RAPGEF4: variants seen among roughly 807,000 people sequenced by gnomAD.
The protein encoded by RAPGEF4 is Rap guanine nucleotide exchange factor 4.
RAPGEF4 carries 66 observed loss-of-function variants against 147.9 expected under a neutral mutation model. That is an observed-to-expected ratio of 0.45 (90% CI 0.37 to 0.55). RAPGEF4 has a LOEUF of 0.55. Among genes scored for constraint, RAPGEF4 ranks in the 20% least tolerant of loss-of-function variants. The probability of loss-of-function intolerance (pLI) is 0.00; values close to 1 mark genes in which losing one functional copy is unlikely to be tolerated. For synonymous variants in RAPGEF4, 419 were observed against 442.7 expected, an observed-to-expected ratio of 0.95 and a Z score of 0.67; for missense variants, 1,071 against 1,257.3, an observed-to-expected ratio of 0.85 and a Z score of 2.24.
chr2:172,753,812 T>C (rs1695516378), intron 1 of RAPGEF4, among the ~76,000 whole-genome samples: 1 of 151,882 alleles, frequency 6.6e-6, no homozygotes, highest in East Asian at 1.9e-4. Flanking sequence ...TACCAACACA[T>C]CCCTTCCTCT....
At chr2:172,995,245 TTGTGTGTGTGTGTGTGTGTGTGTGTGTG>T (rs71018528) in intron 15 of RAPGEF4, among the ~76,000 whole-genome samples, 1 of 138,590 alleles carries the variant, frequency 7.2e-6, no homozygotes, top group African/African-American at 2.8e-5. Context: ...ACTTGCCTGT[TTGTGTGTGTGTGTGTGTGTGTGTGTGTG>T]TGTGTGTGTG....
At chr2:173,017,872 G>A (rs1032597869) in intron 21 of RAPGEF4, among the ~76,000 whole-genome samples, 1 of 152,138 alleles carries the variant, frequency 6.6e-6, no homozygotes, top group Non-Finnish European at 1.5e-5. Context: ...TCCTGCCCAG[G>A]GACAATGCTC....
chr2:172,997,032 C>A (rs1488749316), intron 16 of RAPGEF4, among the ~76,000 whole-genome samples: 1 of 152,200 alleles, frequency 6.6e-6, no homozygotes, highest in African/African-American at 2.4e-5. Flanking sequence ...TAATGAACTA[C>A]CACCAACTGG....
At chr2:173,039,776 A>G (rs1355398162) in intron 29 of RAPGEF4, among the ~76,000 whole-genome samples, 1 of 152,226 alleles carries the variant, frequency 6.6e-6, no homozygotes, top group African/African-American at 2.4e-5. Context: ...AAGGGGTTTT[A>G]TTCATATGAA....
At chr2:172,804,568 G>A (rs1386426942) in intron 3 of RAPGEF4, among the ~76,000 whole-genome samples, 1 of 152,182 alleles carries the variant, frequency 6.6e-6, no homozygotes, top group South Asian at 2.1e-4. Context: ...GGAACGGGGA[G>A]TACCTGGCCT....
intron 4 of RAPGEF4, among the ~76,000 whole-genome samples, chr2:172,838,950 G>A (rs1245321932): frequency 1.3e-5 from 2 of 151,942 alleles, no homozygotes; most frequent in African/African-American, 4.8e-5. Flanking sequence ...TCTAAGTTTG[G>A]GCAATAAGCA....
intron 1 of RAPGEF4, among the ~76,000 whole-genome samples, chr2:172,761,120 T>G (rs1696283272): frequency 6.6e-6 from 1 of 150,876 alleles, no homozygotes; most frequent in Non-Finnish European, 1.5e-5. Context: ...TTTTTTTAAT[T>G]TTTTTTTCTT....
At chr2:173,024,615 G>A (rs1445685675) in intron 23 of RAPGEF4, among the ~76,000 whole-genome samples, 13 of 152,142 alleles carry the variant, frequency 8.5e-5, no homozygotes, top group Admixed American at 8.5e-4. Flanking sequence ...CTCCTATCCA[G>A]TTCTCTTAAC....
At chr2:172,795,404 G>A (rs1686264881) in intron 2 of RAPGEF4, among the ~76,000 whole-genome samples, 1 of 152,184 alleles carries the variant, frequency 6.6e-6, no homozygotes, top group Non-Finnish European at 1.5e-5. Context: ...TTTCTAGATG[G>A]AGCTGGAGGG....
At chr2:172,766,520 G>C (rs1174749804) in intron 1 of RAPGEF4, among the ~76,000 whole-genome samples, 1 of 152,000 alleles carries the variant, frequency 6.6e-6, no homozygotes, top group Non-Finnish European at 1.5e-5. Flanking sequence ...CAGCCTGGGT[G>C]ATGGAGTGAG....
intron 1 of RAPGEF4, among the ~76,000 whole-genome samples, chr2:172,787,334 T>TTAAAA (rs1231663214): frequency 1.3e-5 from 2 of 151,734 alleles, no homozygotes; most frequent in East Asian, 3.9e-4. Flanking sequence ...TATATAGAAC[T>TTAAAA]TAAAATAATT....
intron 4 of RAPGEF4, among the ~76,000 whole-genome samples, chr2:172,899,723 C>T (rs1698870039): frequency 6.6e-6 from 1 of 152,092 alleles, no homozygotes; most frequent in Non-Finnish European, 1.5e-5. Context: ...AACAAAAAAT[C>T]GGACAGCTGA....
intron 6 of RAPGEF4, among the ~76,000 whole-genome samples, chr2:172,935,290 A>G (rs955838323): frequency 3.3e-5 from 5 of 152,190 alleles, no homozygotes; most frequent in Non-Finnish European, 5.9e-5. Context: ...AAACATGGCA[A>G]CCAACAACTC....
Position 173,048,451 on chromosome 2 carries a change from C to T in RAPGEF4, c.2854-149C>T, listed in dbSNP as rs992639365. The T allele has an allele frequency of 4.2e-6, 6 of 1,435,082 alleles. No homozygotes were observed. The African/African-American group carries it at 5.8e-5, about 14-fold the overall frequency. The allele number at this position is 1,435,082 out of a possible 1,614,324, so 88.9% of individuals were successfully genotyped here. On this transcript the variant is annotated intron_variant, in intron 29 of 30. Coordinates refer to ENST00000397081, the MANE Select transcript of RAPGEF4 (RefSeq NM_007023.4). ...CTTTGAAATAATTAAACAAGTTATACATCAGCTAGTTGCCTTCAGATAGTC... is the reference window on the plus strand; with the variant it reads ...CTTTGAAATAATTAAACAAGTTATATATCAGCTAGTTGCCTTCAGATAGTC...
intron 17 of RAPGEF4, among the ~76,000 whole-genome samples, chr2:173,009,887 C>T (rs1047347829): frequency 6.6e-6 from 1 of 152,210 alleles, no homozygotes; most frequent in African/African-American, 2.4e-5. Flanking sequence ...ATTTCTACAT[C>T]TCAGATGGAT....
At chr2:172,918,346 C>A (rs1684319074) in intron 5 of RAPGEF4, among the ~76,000 whole-genome samples, 1 of 137,042 alleles carries the variant, frequency 7.3e-6, no homozygotes, top group African/African-American at 2.8e-5. Flanking sequence ...CAATTCCAGG[C>A]CTTTGTGAAC....
intron 4 of RAPGEF4, among the ~76,000 whole-genome samples, chr2:172,846,220 T>A (rs79104770): frequency 3.2e-3 from 485 of 152,290 alleles, no homozygotes; most frequent in African/African-American, 0.011. Context: ...TCCAATCAGA[T>A]CTCTCATGCC....
chr2:172,897,031 C>G (rs1270744356), intron 4 of RAPGEF4, among the ~76,000 whole-genome samples: 1 of 152,114 alleles, frequency 6.6e-6, no homozygotes, highest in Non-Finnish European at 1.5e-5. Flanking sequence ...TCACCAGAAG[C>G]TGCCCAGAAT....
chr2:172,922,140 G>A (rs1472837243), intron 5 of RAPGEF4, 141 bp from the exon 6 acceptor site: 1 of 776,550 alleles, frequency 1.3e-6, no homozygotes, highest in South Asian at 1.5e-5. Context: ...ATATTTCTAA[G>A]CAGCATTATG....
Sources: gnomAD v4.1 joint callset for allele counts (sites outside exome capture counted in the v4.1 genomes callset) on GRCh38, gnomAD v4.1.1 for gene constraint, MANE v1.5 for transcripts, NCBI Gene and HGNC (gene_info 2026-07-23, HGNC 2026-07-21) for gene names.